DLG1: variants seen among roughly 807,000 people sequenced by gnomAD.
DLG1 encodes discs large MAGUK scaffold protein 1, also known as disks large homolog 1.
In DLG1, 42 loss-of-function variants were observed where a neutral mutation model predicts 123.4. The ratio of observed to expected loss-of-function variants is 0.34; its 90% CI spans 0.27 to 0.44. DLG1 has a LOEUF of 0.44. DLG1 is among the 20% of genes least tolerant of loss of function. DLG1 has a pLI of 1.00. For synonymous variants in DLG1, 317 were observed against 356.2 expected, an observed-to-expected ratio of 0.89 and a Z score of 1.24; for missense variants, 942 against 1,082.6, an observed-to-expected ratio of 0.87 and a Z score of 1.82.
At chr3:197,200,274 A>G (rs1452566281) in intron 4 of DLG1, among the ~76,000 whole-genome samples, 3 of 152,216 alleles carry the variant, frequency 2.0e-5, no homozygotes, top group Admixed American at 1.3e-4. Flanking sequence ...AAATATTATT[A>G]GTGTGCAAAT....
chr3:197,052,810 T>C (rs1329485489), intron 23 of DLG1, among the ~76,000 whole-genome samples: 2 of 151,974 alleles, frequency 1.3e-5, no homozygotes, highest in Non-Finnish European at 2.9e-5. Flanking sequence ...GGTGGGGGCA[T>C]AAAAGAGAGA....
intron 7 of DLG1, 65 bp from the exon 8 acceptor site, chr3:197,140,329 T>G: frequency 6.5e-7 from 1 of 1,528,466 alleles, no homozygotes; most frequent in South Asian, 1.2e-5. Flanking sequence ...GTTCCTGTCA[T>G]TAAAGGACGC....
At chr3:197,165,009 T>C (rs563022526) in intron 5 of DLG1, among the ~76,000 whole-genome samples, 39 of 152,142 alleles carry the variant, frequency 2.6e-4, no homozygotes, top group African/African-American at 9.4e-4. Context: ...TTATAAATTA[T>C]ATGGGACATT....
At chr3:197,289,869 C>T (rs382579) in intron 3 of DLG1, among the ~76,000 whole-genome samples, 112,025 of 152,102 alleles carry the variant, frequency 0.74, 41,347 homozygotes, top group East Asian at 0.82. Context: ...AAAAATAAAT[C>T]ACTTGAATAC....
intron 4 of DLG1, among the ~76,000 whole-genome samples, chr3:197,259,598 A>T (rs1280003759): frequency 6.6e-6 from 1 of 152,218 alleles, no homozygotes; most frequent in East Asian, 1.9e-4. Context: ...CAATGGATGA[A>T]TTTTAAATGT....
chr3:197,076,814 T>A, intron 17 of DLG1, 129 bp from the exon 18 acceptor site: 1 of 466,746 alleles, frequency 2.1e-6, no homozygotes, highest in Non-Finnish European at 3.9e-6. Context: ...ATTTTTACTT[T>A]AATCTCATAT....
intron 4 of DLG1, among the ~76,000 whole-genome samples, chr3:197,208,709 T>C (rs1401414767): frequency 2.1e-5 from 3 of 144,006 alleles, no homozygotes; most frequent in East Asian, 4.0e-4. Context: ...GTTGGGGGGA[T>C]AGTAAGAGGA....
chr3:197,073,715 G>A (rs1046146934), intron 18 of DLG1, among the ~76,000 whole-genome samples: 9 of 152,086 alleles, frequency 5.9e-5, no homozygotes, highest in Non-Finnish European at 1.2e-4. Flanking sequence ...TACACAAAGC[G>A]TTCTATGGTA....
chr3:197,280,337 T>TTGTGTG (rs10575004), intron 4 of DLG1, among the ~76,000 whole-genome samples: 11,585 of 149,962 alleles, frequency 0.077, 603 homozygotes, highest in South Asian at 0.26. Context: ...GTAGTCCATT[T>TTGTGTG]TGTGTGTGTG....
At chr3:197,240,038 T>C (rs2150727233) in intron 4 of DLG1, among the ~76,000 whole-genome samples, 1 of 152,182 alleles carries the variant, frequency 6.6e-6, no homozygotes, top group South Asian at 2.1e-4. Context: ...CAGGAGACTG[T>C]CCCTTATCTT....
intron 4 of DLG1, among the ~76,000 whole-genome samples, chr3:197,276,449 A>C (rs1390094485): frequency 3.9e-5 from 6 of 152,224 alleles, no homozygotes; most frequent in South Asian, 4.1e-4. Flanking sequence ...AATCTCTGAC[A>C]ATCAAATTTG....
intron 4 of DLG1, among the ~76,000 whole-genome samples, chr3:197,213,223 C>T (rs556028014): frequency 1.3e-5 from 2 of 152,298 alleles, no homozygotes; most frequent in South Asian, 4.1e-4. Context: ...CCAGAATACA[C>T]CTCTTCAATA....
intron 6 of DLG1, among the ~76,000 whole-genome samples, chr3:197,143,517 A>C (rs1789132975): frequency 6.6e-6 from 1 of 152,040 alleles, no homozygotes; most frequent in Non-Finnish European, 1.5e-5. Context: ...CGGCCTCCCA[A>C]AGTGCTGGGA....
chr3:197,271,093 C>T (rs1277948208), intron 4 of DLG1, among the ~76,000 whole-genome samples: 1 of 151,744 alleles, frequency 6.6e-6, no homozygotes, highest in African/African-American at 2.4e-5. Context: ...TATTCCCAAC[C>T]CATTCCAACA....
intron 4 of DLG1, among the ~76,000 whole-genome samples, chr3:197,243,287 G>C (rs1309317809): frequency 6.6e-6 from 1 of 152,164 alleles, no homozygotes; most frequent in Non-Finnish European, 1.5e-5. Context: ...AAGGTTGGTG[G>C]ATGGAGGCAT....
rs1786087156 is a variant in DLG1, at chr3:197,138,214, C to A, written c.883+8G>T. 4.0e-6 allele frequency: 6 copies of A among 1,507,234 alleles called. No individual in the cohort carries two copies. Among genetic ancestry groups the A allele is most frequent in the Non-Finnish European group, 4.5e-6 (5 of 1,115,940 alleles). The allele number at this position is 1,507,234 out of a possible 1,614,324, so 93.4% of individuals were successfully genotyped here. A position where few individuals can be genotyped will look rare whatever the true frequency, so the allele number is the denominator to read the frequency against. Reference sequence around the variant, plus strand: ...TAAAGATTTATCTTAGTTTGACTTACCACATACCTTTAGGACCTTTAATGA... The same window carrying A: ...TAAAGATTTATCTTAGTTTGACTTAACACATACCTTTAGGACCTTTAATGA... On this transcript the variant is annotated splice_region_variant and intron_variant, in intron 9 of 24. Coordinates refer to ENST00000667157, the MANE Select transcript of DLG1 (RefSeq NM_001366207.1).
chr3:197,235,800 G>A (rs1011712705), intron 4 of DLG1, among the ~76,000 whole-genome samples: 4 of 152,194 alleles, frequency 2.6e-5, no homozygotes, highest in Non-Finnish European at 4.4e-5. Context: ...GAGGAGGAAA[G>A]CCAGTTCATA....
At chr3:197,118,577 G>A (rs1244051464) in intron 12 of DLG1, among the ~76,000 whole-genome samples, 1 of 152,080 alleles carries the variant, frequency 6.6e-6, no homozygotes, top group Non-Finnish European at 1.5e-5. Context: ...TAAACGTTAA[G>A]AACAGACATT....
At chr3:197,121,274 A>G (rs959367026) in intron 11 of DLG1, among the ~76,000 whole-genome samples, 3 of 152,146 alleles carry the variant, frequency 2.0e-5, no homozygotes, top group African/African-American at 4.8e-5. Flanking sequence ...AGGATCAGAT[A>G]AAACAGTACT....
Sources: gnomAD v4.1 joint callset for allele counts (sites outside exome capture counted in the v4.1 genomes callset) on GRCh38, gnomAD v4.1.1 for gene constraint, MANE v1.5 for transcripts, NCBI Gene and HGNC (gene_info 2026-07-23, HGNC 2026-07-21) for gene names.